Variants in MGAT3 observed in about 807,000 individuals in gnomAD.
MGAT3 encodes GlcNAc-T III.
Under a neutral mutation model 29.8 loss-of-function variants are expected in MGAT3, and 9 were observed. The ratio of observed to expected loss-of-function variants is 0.30; its 90% CI spans 0.18 to 0.53. MGAT3 has a LOEUF of 0.53. Ranked by LOEUF, MGAT3 falls within the 20% of genes least tolerant of loss-of-function variation. The pLI is 0.96. For missense variants in MGAT3, 557 were observed against 769.5 expected (o/e 0.72, Z 3.27); for synonymous variants, 397 against 348.9 (o/e 1.14, Z -1.54).
At chr22:39,483,478 T>C (rs1688866403) in intron 1 of MGAT3, among the ~76,000 whole-genome samples, 1 of 148,236 alleles carries the variant, frequency 6.7e-6, no homozygotes, top group African/African-American at 2.5e-5. Context: ...AGAGCAAAAC[T>C]CCGTCTCAAA....
chr22:39,482,147 ATTTTTT>A (rs11380222), intron 1 of MGAT3, among the ~76,000 whole-genome samples: 16,850 of 134,072 alleles, frequency 0.13, 1,052 homozygotes, highest in Admixed American at 0.17. Flanking sequence ...GGCACTGCTA[ATTTTTT>A]TTTTTTTTTT....
rs920401828 is a variant in MGAT3, at chr22:39,468,893, G to A, written c.-2+11336G>A. On this transcript the variant is annotated intron_variant, in intron 1 of 1. Coordinates refer to ENST00000341184, the MANE Select transcript of MGAT3 (RefSeq NM_002409.5). Reference sequence around the variant, plus strand: ...CAGGAACAGGCACGGAGATTGAAGGGTGAGATTACACAGAAACTTCTGTGC... The same window carrying A: ...CAGGAACAGGCACGGAGATTGAAGGATGAGATTACACAGAAACTTCTGTGC... Among the ~76,000 whole-genome samples the A allele has an allele frequency of 2.6e-5, 4 of 151,962 alleles. 1 individual carries two copies. The highest frequency in any genetic ancestry group is 9.7e-5 in the African/African-American group (4 of 41,230).
At chr22:39,458,199 T>C (rs920815088) in intron 1 of MGAT3, among the ~76,000 whole-genome samples, 4 of 152,054 alleles carry the variant, frequency 2.6e-5, no homozygotes, top group Admixed American at 1.3e-4. Flanking sequence ...GCTATAAATA[T>C]CTGCAAATAG....
intron 1 of MGAT3, among the ~76,000 whole-genome samples, chr22:39,478,203 AC>A (rs1009459485): frequency 1.3e-5 from 2 of 152,180 alleles, no homozygotes; most frequent in African/African-American, 4.8e-5. Flanking sequence ...GTGCGGGTCC[AC>A]CCCAAGGTGT....
chr22:39,465,703 G>C (rs1429677605), intron 1 of MGAT3, among the ~76,000 whole-genome samples: 1 of 152,040 alleles, frequency 6.6e-6, no homozygotes, highest in Non-Finnish European at 1.5e-5. Context: ...AGGCCGAGGG[G>C]GGTGGATCAC....
chr22:39,482,787 C>G (rs1367841447), intron 1 of MGAT3, among the ~76,000 whole-genome samples: 1 of 152,196 alleles, frequency 6.6e-6, no homozygotes, highest in Non-Finnish European at 1.5e-5. Flanking sequence ...CTCCTAGCAG[C>G]CTGAGTGATG....
At position 39,491,310 on chromosome 22, in the gene MGAT3, C is replaced by G. The variant is rs887997040; in HGVS notation, c.*2361C>G. 9 of 167,532 alleles carry G rather than the reference C, an allele frequency of 5.4e-5. No individual in the cohort carries two copies. Among genetic ancestry groups the G allele is most frequent in the Non-Finnish European group, 1.3e-4 (9 of 68,450 alleles). The allele number at this position is 167,532 out of a possible 1,614,324, so 10.4% of individuals were successfully genotyped here. On this transcript the variant is annotated 3_prime_UTR_variant, in exon 2 of 2. Coordinates refer to ENST00000341184, the MANE Select transcript of MGAT3 (RefSeq NM_002409.5). This position sits in a 1 kb window ranked among gnomAD's most constrained non-coding sequence, Gnocchi z 5.5. The stretch of plus-strand genomic sequence containing the variant: ...CTCCTTTGAAGTCACAGCAGCCTTC[C>G]TTTCTGTTTGCTCTTGGGGCTGAGA...
intron 1 of MGAT3, among the ~76,000 whole-genome samples, chr22:39,469,530 G>A (rs1452976894): frequency 6.6e-6 from 1 of 152,236 alleles, no homozygotes; most frequent in Non-Finnish European, 1.5e-5. Context: ...GGTGCCGGGG[G>A]AACAGCATCC....
rs1929403015 is a variant in MGAT3, at chr22:39,489,817, C to T, written c.*868C>T. On this transcript the variant is annotated 3_prime_UTR_variant, in exon 2 of 2. Coordinates refer to ENST00000341184, the MANE Select transcript of MGAT3 (RefSeq NM_002409.5). ...GGGGAGGAGAAGACTGACATGAGTC[C>T]TCTGCACGGATCCGTCTCTCCCTCC... 1 of 167,622 alleles carries T rather than the reference C, an allele frequency of 6.0e-6. No individual in the cohort carries two copies. 10.4% of individuals were successfully genotyped at this position (167,622 alleles called of 1,614,324 possible).
At chr22:39,468,396 G>A (rs1644250014) in intron 1 of MGAT3, among the ~76,000 whole-genome samples, 2 of 152,122 alleles carry the variant, frequency 1.3e-5, no homozygotes, top group South Asian at 4.1e-4. Context: ...GTGAGCTGTG[G>A]TTCAGACGCT....
chr22:39,467,665 C>CGTTTCGTTTT (rs955028474), intron 1 of MGAT3, among the ~76,000 whole-genome samples: 2 of 151,428 alleles, frequency 1.3e-5, no homozygotes, highest in African/African-American at 4.9e-5. Context: ...CTTTTCGTTT[C>CGTTTCGTTTT]GTTTCGTTTT....
rs1325255396 is a variant in MGAT3, at chr22:39,492,070, A to G, written c.*3121A>G. ...CAATAATAGTATTATTTTTTTTGTAAGGGAAAATCAATATGTACATTCTGA... is the reference window on the plus strand; with the variant it reads ...CAATAATAGTATTATTTTTTTTGTAGGGGAAAATCAATATGTACATTCTGA... On this transcript the variant is annotated 3_prime_UTR_variant, in exon 2 of 2. Transcript: ENST00000341184. 2.4e-5 allele frequency: 4 copies of G among 167,172 alleles called. No individual in the cohort carries two copies. The highest frequency in any genetic ancestry group is 6.5e-5 in the Admixed American group (1 of 15,288). 10.4% of individuals were successfully genotyped at this position (167,172 alleles called of 1,614,324 possible). A position where few individuals can be genotyped will look rare whatever the true frequency, so the allele number is the denominator to read the frequency against.
chr22:39,469,502 G>T (rs1928748238), intron 1 of MGAT3, among the ~76,000 whole-genome samples: 1 of 152,182 alleles, frequency 6.6e-6, no homozygotes, highest in African/African-American at 2.4e-5. Flanking sequence ...ACCACCTGCT[G>T]CCCTGTACAC....
At chr22:39,471,370 C>T (rs974616048) in intron 1 of MGAT3, among the ~76,000 whole-genome samples, 4 of 152,092 alleles carry the variant, frequency 2.6e-5, no homozygotes, top group African/African-American at 9.7e-5. Flanking sequence ...TAAGCCTTTG[C>T]GGAGGGGCTG....
chr22:39,489,115 C>T lies in MGAT3; in HGVS notation c.*166C>T, dbSNP rs1929380853. ...ACTGAAGCCCTTGTGAATCAAGGGT[C>T]AGGCCTTTGAGCTCAGAAAATATCC... On this transcript the variant is annotated 3_prime_UTR_variant, in exon 2 of 2. Transcript: ENST00000341184. The T allele has an allele frequency of 8.3e-6, 8 of 960,946 alleles. No individual in the cohort carries two copies. The highest frequency in any genetic ancestry group is 1.2e-5 in the Non-Finnish European group (8 of 653,788). The allele number at this position is 960,946 out of a possible 1,614,324, so 59.5% of individuals were successfully genotyped here.
chr22:39,475,074 C>T lies in MGAT3; in HGVS notation c.-1-12273C>T, dbSNP rs59805681. ...ACCAATCACCCCCTCCTCAGGGCCT[C>T]CATCTCCCTGCTGGTGTGGAGTGAG... On this transcript the variant is annotated intron_variant, in intron 1 of 1. Coordinates refer to ENST00000341184, the MANE Select transcript of MGAT3 (RefSeq NM_002409.5). Among the ~76,000 whole-genome samples, 630 of 151,212 alleles carry T rather than the reference C, an allele frequency of 4.2e-3. 5 individuals are homozygous for T. The highest frequency in any genetic ancestry group is 0.015 in the African/African-American group (609 of 40,746).
chr22:39,463,972 A>C (rs552522801), intron 1 of MGAT3, among the ~76,000 whole-genome samples: 1 of 151,672 alleles, frequency 6.6e-6, no homozygotes, highest in Admixed American at 6.6e-5. Context: ...TGTGCATTCC[A>C]AGAGCCAGTT....
intron 1 of MGAT3, among the ~76,000 whole-genome samples, chr22:39,473,637 CAG>C (rs1162712636): frequency 6.6e-6 from 1 of 152,128 alleles, no homozygotes; most frequent in Admixed American, 6.5e-5. Context: ...GCTGTGGACA[CAG>C]GGGCTTGGGG....
rs576599563 is a variant in MGAT3, at chr22:39,469,919, G to A, written c.-2+12362G>A. On this transcript the variant is annotated intron_variant, in intron 1 of 1. Coordinates refer to ENST00000341184, the MANE Select transcript of MGAT3 (RefSeq NM_002409.5). ...TGGGGCCACAGGGCAGGGGAGGAGC[G>A]CCTGTCAGGTGTGGGAACTTGCAGG... Among the ~76,000 whole-genome samples, 174 of 152,364 alleles carry A rather than the reference G, an allele frequency of 1.1e-3. 1 individual carries two copies. Among genetic ancestry groups the A allele is most frequent in the African/African-American group, 4.0e-3 (167 of 41,584 alleles).
Sources: gnomAD v4.1 joint callset for allele counts (sites outside exome capture counted in the v4.1 genomes callset) on GRCh38, gnomAD v4.1.1 for gene constraint, Gnocchi (gnomAD v3.1) non-coding constraint, MANE v1.5 for transcripts, NCBI Gene and HGNC (gene_info 2026-07-23, HGNC 2026-07-21) for gene names.